Variants in RSPO3 observed in about 807,000 individuals in gnomAD.
RSPO3 encodes the protein R-spondin-3.
Under a neutral mutation model 36.5 loss-of-function variants are expected in RSPO3, and 17 were observed. That is an observed-to-expected ratio of 0.47 (90% CI 0.32 to 0.70). The LOEUF is 0.70. RSPO3 is among the 30% of genes least tolerant of loss of function. RSPO3 has a pLI of 0.04. For synonymous variants in RSPO3, 108 were observed against 107.0 expected (o/e 1.01, Z -0.06); for missense variants, 294 against 322.5 (o/e 0.91, Z 0.68).
chr6:127,191,232 CAAAG>C (rs1775403621), intron 4 of RSPO3, among the ~76,000 whole-genome samples: 1 of 152,060 alleles, frequency 6.6e-6, no homozygotes, highest in Non-Finnish European at 1.5e-5. Context: ...ATGAAAGAAA[CAAAG>C]GAGCAACCAT....
intron 4 of RSPO3, among the ~76,000 whole-genome samples, chr6:127,174,103 G>A (rs1049164036): frequency 1.3e-5 from 2 of 151,870 alleles, no homozygotes; most frequent in Non-Finnish European, 2.9e-5. Context: ...CTAATAATGT[G>A]TGTTTGTGAT....
chr6:127,174,532 T>A (rs1030804151), intron 4 of RSPO3, among the ~76,000 whole-genome samples: 1 of 151,856 alleles, frequency 6.6e-6, no homozygotes, highest in Non-Finnish European at 1.5e-5. Flanking sequence ...AAACTGCTTC[T>A]GTGCTAGCTT....
chr6:127,161,640 T>C (rs958171407), intron 4 of RSPO3, among the ~76,000 whole-genome samples: 3 of 152,224 alleles, frequency 2.0e-5, no homozygotes, highest in African/African-American at 7.2e-5. Flanking sequence ...TTGTAGGCTT[T>C]TCTGCTAATT....
At chr6:127,152,783 A>G (rs1774515910) in intron 3 of RSPO3, among the ~76,000 whole-genome samples, 1 of 152,140 alleles carries the variant, frequency 6.6e-6, no homozygotes, top group Admixed American at 6.6e-5. Flanking sequence ...ACCAAATTTT[A>G]TAAGAGAACA....
At chr6:127,147,301 T>C (rs1033037770) in intron 1 of RSPO3, among the ~76,000 whole-genome samples, 1 of 152,142 alleles carries the variant, frequency 6.6e-6, no homozygotes, top group African/African-American at 2.4e-5. Flanking sequence ...GTTTTTGTGG[T>C]AAAGAACTTA....
At chr6:127,155,876 G>GTATATGTATA (rs1554221215) in intron 4 of RSPO3, among the ~76,000 whole-genome samples, 2 of 148,508 alleles carry the variant, frequency 1.3e-5, no homozygotes, top group African/African-American at 2.5e-5. Context: ...GTAGCTAAGT[G>GTATATGTATA]TATATATATA....
rs1407550396 is a variant in RSPO3 at position 127,198,014 on chromosome 6, C to G, written c.*2007C>G. On this transcript the variant is annotated 3_prime_UTR_variant, in exon 5 of 5. Transcript: ENST00000356698. ...GTGTTACCCAGTCAAGTATAAGTAGCCAAATTATTTTTGCACATCTTTCTG... is the reference window on the plus strand; with the variant it reads ...GTGTTACCCAGTCAAGTATAAGTAGGCAAATTATTTTTGCACATCTTTCTG... 1.3e-5 allele frequency among the ~76,000 whole-genome samples: 2 copies of G among 152,198 alleles called. No homozygotes were observed. The highest frequency in any genetic ancestry group is 4.8e-5 in the African/African-American group (2 of 41,450).
At chr6:127,171,283 A>C (rs1006261635) in intron 4 of RSPO3, among the ~76,000 whole-genome samples, 1 of 151,744 alleles carries the variant, frequency 6.6e-6, no homozygotes, top group African/African-American at 2.4e-5. Context: ...TCTCAGAAGG[A>C]AAAATATATC....
intron 3 of RSPO3, among the ~76,000 whole-genome samples, chr6:127,152,017 A>G (rs944872203): frequency 1.3e-5 from 2 of 152,118 alleles, no homozygotes; most frequent in Non-Finnish European, 2.9e-5. Flanking sequence ...CAGTTGTTGA[A>G]GGTGTAACAT....
chr6:127,139,112 C>T (rs1012100471), intron 1 of RSPO3, among the ~76,000 whole-genome samples: 3 of 152,128 alleles, frequency 2.0e-5, no homozygotes, highest in Non-Finnish European at 4.4e-5. Flanking sequence ...ATGCATCATA[C>T]TTACAAAGGT....
In RSPO3 at chr6:127,196,070, G is replaced by A. The variant is rs1480505826; in HGVS notation, c.*63G>A. ...TATCTCAACCAGATGCCCAGGACAG[G>A]TGCTCTAGCCATTAGGACCACAAAT... On this transcript the variant is annotated 3_prime_UTR_variant, in exon 5 of 5. Coordinates refer to ENST00000356698, the MANE Select transcript of RSPO3 (RefSeq NM_032784.5). 12 of 1,403,464 alleles carry A rather than the reference G, an allele frequency of 8.6e-6. No homozygotes were observed. The East Asian group carries it at 2.9e-4, about 33-fold the overall frequency. The allele number at this position is 1,403,464 out of a possible 1,614,324, so 86.9% of individuals were successfully genotyped here. A position where few individuals can be genotyped will look rare whatever the true frequency, so the allele number is the denominator to read the frequency against.
At chr6:127,166,420 A>G (rs1340462246) in intron 4 of RSPO3, among the ~76,000 whole-genome samples, 3 of 152,086 alleles carry the variant, frequency 2.0e-5, no homozygotes, top group African/African-American at 7.2e-5. Context: ...AATTTAGAGC[A>G]CAGGCTTTGG....
intron 4 of RSPO3, among the ~76,000 whole-genome samples, chr6:127,158,183 T>C (rs1180807594): frequency 6.6e-6 from 1 of 152,022 alleles, no homozygotes; most frequent in Non-Finnish European, 1.5e-5. Flanking sequence ...TTGGCATTTC[T>C]TATTTTAAGT....
chr6:127,155,372 T>C lies in RSPO3; in HGVS notation c.568T>C (p.Cys190Arg), dbSNP rs1244324764. The C allele has an allele frequency of 6.2e-7, 1 of 1,613,770 alleles. No individual in the cohort carries two copies. The highest frequency in any genetic ancestry group is 1.7e-5 in the Admixed American group (1 of 59,946). ...GCATCCTTCAGCAAAGGGTAACCTG[T>C]GTCCCCCAACAAATGAGACAAGAAA... Reference protein sequence around the residue: ...IQHPSAKGNLCPPTNETRKCT... With the variant: ...IQHPSAKGNLRPPTNETRKCT... The change falls in exon 4 of 5, where the codon TGT becomes CGT. Residue 190 changes from cysteine (C) to arginine (R), a missense_variant. Transcript: ENST00000356698.
At chr6:127,134,767 C>G (rs1436392217) in intron 1 of RSPO3, among the ~76,000 whole-genome samples, 3 of 152,132 alleles carry the variant, frequency 2.0e-5, no homozygotes, top group Non-Finnish European at 4.4e-5. Flanking sequence ...ATGGAACCTT[C>G]ACAACAATTT....
rs1775545311 is a variant in RSPO3 at position 127,197,792 on chromosome 6, T to C, written c.*1785T>C. ...TTCCTGTTTCTTATTCTGGTGTTTC[T>C]TTCCTTGTCCCTATGAGATAAGTGT... On this transcript the variant is annotated 3_prime_UTR_variant, in exon 5 of 5. Transcript: ENST00000356698. 1 of 337,036 alleles carries C rather than the reference T, an allele frequency of 3.0e-6. No homozygotes were observed. The highest frequency in any genetic ancestry group is 4.5e-5 in the Admixed American group (1 of 22,462). The allele number at this position is 337,036 out of a possible 1,614,324, so 20.9% of individuals were successfully genotyped here.
chr6:127,134,992 T>C (rs1373048681), intron 1 of RSPO3, among the ~76,000 whole-genome samples: 2 of 152,194 alleles, frequency 1.3e-5, no homozygotes, highest in African/African-American at 4.8e-5. Flanking sequence ...TCTTTGCAAC[T>C]GAGATGGAAC....
chr6:127,158,742 T>C (rs998935060), intron 4 of RSPO3, among the ~76,000 whole-genome samples: 6 of 152,136 alleles, frequency 3.9e-5, no homozygotes, highest in African/African-American at 1.2e-4. Context: ...GAGATAAATT[T>C]AATTGTTGTA....
chr6:127,183,001 C>G (rs1015786008), intron 4 of RSPO3, among the ~76,000 whole-genome samples: 1 of 151,958 alleles, frequency 6.6e-6, no homozygotes, highest in Non-Finnish European at 1.5e-5. Flanking sequence ...CAAGTGCTTT[C>G]CTCTCTTCCT....
Sources: allele counts gnomAD v4.1 joint callset (sites outside exome capture counted in the v4.1 genomes callset), GRCh38; gene constraint gnomAD v4.1.1; transcripts MANE v1.5; gene names NCBI Gene and HGNC (gene_info 2026-07-23, HGNC 2026-07-21).